The following SPAG16 variants were observed in gnomAD, a reference collection of about 807,000 sequenced individuals.
The protein encoded by SPAG16 is sperm-associated antigen 16 protein.
Under a neutral mutation model 80.4 loss-of-function variants are expected in SPAG16, and 86 were observed. The ratio of observed to expected loss-of-function variants is 1.07; its 90% CI spans 0.90 to 1.28. The LOEUF is 1.28. Ranked by LOEUF, SPAG16 falls within the 50% of genes most tolerant of loss-of-function variation. The pLI, the probability that SPAG16 is intolerant of heterozygous loss-of-function variation, is 0.00. For missense variants in SPAG16, 870 were observed against 765.3 expected, an observed-to-expected ratio of 1.14 and a Z score of -1.61; for synonymous variants, 294 against 265.9, an observed-to-expected ratio of 1.11 and a Z score of -1.03.
chr2:213,492,505 G>A (rs948550373), intron 10 of SPAG16, among the ~76,000 whole-genome samples: 5 of 151,850 alleles, frequency 3.3e-5, no homozygotes, highest in South Asian at 2.1e-4. Flanking sequence ...AGCCAAGATC[G>A]TGCCACTGCC....
intron 8 of SPAG16, among the ~76,000 whole-genome samples, chr2:213,366,255 TA>T: frequency 6.6e-6 from 1 of 151,906 alleles, no homozygotes; most frequent in South Asian, 2.1e-4. Flanking sequence ...TAAAAATACT[TA>T]AACAAATGAT....
Position 213,421,813 on chromosome 2 carries a change from C to A in SPAG16, c.942+46694C>A, listed in dbSNP as rs536240444. ...CAGATAGGAGCTACCCACTCCAGAT[C>A]TCTGCTGAGAGCTGGACACTCATCA... On this transcript the variant is annotated intron_variant, in intron 9 of 15. Coordinates refer to ENST00000331683, the MANE Select transcript of SPAG16 (RefSeq NM_024532.5). Among the ~76,000 whole-genome samples, 5 of 152,284 alleles carry A rather than the reference C, an allele frequency of 3.3e-5. No individual in the cohort carries two copies. In the East Asian group the frequency reaches 9.7e-4, roughly 29 times the overall value.
At chr2:213,562,944 A>T (rs1428198803) in intron 10 of SPAG16, among the ~76,000 whole-genome samples, 5 of 152,198 alleles carry the variant, frequency 3.3e-5, no homozygotes, top group Admixed American at 2.0e-4. Context: ...CTCTGCCCTC[A>T]TCTAAACACC....
chr2:213,508,294 T>C (rs112654606), intron 10 of SPAG16, among the ~76,000 whole-genome samples: 13,278 of 152,168 alleles, frequency 0.087, 1,448 homozygotes, highest in African/African-American at 0.26. Context: ...TGAGTTCGGC[T>C]GGGCGCGGTG....
At chr2:213,621,068 G>A (rs1022948278) in intron 10 of SPAG16, among the ~76,000 whole-genome samples, 1 of 151,990 alleles carries the variant, frequency 6.6e-6, no homozygotes, top group African/African-American at 2.4e-5. Flanking sequence ...ACTAGTTTTA[G>A]TACTTACCTT....
intron 10 of SPAG16, among the ~76,000 whole-genome samples, chr2:213,795,092 C>A (rs2070941343): frequency 6.6e-6 from 1 of 152,054 alleles, no homozygotes; most frequent in Non-Finnish European, 1.5e-5. Flanking sequence ...TATTGATAAG[C>A]CCCATTTCAG....
At chr2:213,814,137 G>T (rs979438133) in intron 10 of SPAG16, among the ~76,000 whole-genome samples, 3 of 152,086 alleles carry the variant, frequency 2.0e-5, no homozygotes, top group African/African-American at 7.2e-5. Context: ...TCAGGCTGAC[G>T]GGGTAGAAAT....
intron 15 of SPAG16, among the ~76,000 whole-genome samples, chr2:214,254,300 T>A (rs1690519841): frequency 1.3e-5 from 2 of 152,140 alleles, no homozygotes; most frequent in African/African-American, 2.4e-5. Flanking sequence ...CTGATTGCCC[T>A]GGCCAGAACT....
At chr2:213,994,346 A>G (rs1346870928) in intron 12 of SPAG16, among the ~76,000 whole-genome samples, 1 of 152,162 alleles carries the variant, frequency 6.6e-6, no homozygotes, top group Non-Finnish European at 1.5e-5. Context: ...AAGGGAACTT[A>G]ATTTTCAATA....
At chr2:214,167,190 G>A (rs991476819) in intron 15 of SPAG16, among the ~76,000 whole-genome samples, 4 of 152,106 alleles carry the variant, frequency 2.6e-5, no homozygotes, top group Admixed American at 1.3e-4. Flanking sequence ...CTCCGGCTCT[G>A]TCCCTCCTTC....
chr2:213,647,889 A>T (rs907768014), intron 10 of SPAG16, among the ~76,000 whole-genome samples: 2 of 152,122 alleles, frequency 1.3e-5, no homozygotes, highest in African/African-American at 4.8e-5. Context: ...CCTTCAATTC[A>T]TTGGCTCCCT....
intron 9 of SPAG16, among the ~76,000 whole-genome samples, chr2:213,393,561 T>A (rs1231849655): frequency 6.6e-6 from 1 of 152,108 alleles, no homozygotes; most frequent in Non-Finnish European, 1.5e-5. Context: ...TGGTTTCCAA[T>A]GTCTTGGAAA....
chr2:213,536,452 AAAAGTGTT>A (rs1559231384), intron 10 of SPAG16, among the ~76,000 whole-genome samples: 7 of 152,172 alleles, frequency 4.6e-5, no homozygotes, highest in Non-Finnish European at 1.0e-4. Context: ...CCAACAGTGT[AAAAGTGTT>A]CCTATTTCTC....
intron 12 of SPAG16, among the ~76,000 whole-genome samples, chr2:213,952,550 G>A (rs1312173226): frequency 6.6e-6 from 1 of 152,008 alleles, no homozygotes; most frequent in Admixed American, 6.5e-5. Context: ...TGTCTGAAGA[G>A]AACATAGAAA....
chr2:214,074,371 A>G (rs551443535), intron 13 of SPAG16, among the ~76,000 whole-genome samples: 1 of 152,224 alleles, frequency 6.6e-6, no homozygotes, highest in Non-Finnish European at 1.5e-5. Context: ...GTAATAAACT[A>G]TTGCTCCAAA....
chr2:213,519,524 G>T (rs912425365), intron 10 of SPAG16, among the ~76,000 whole-genome samples: 1 of 152,152 alleles, frequency 6.6e-6, no homozygotes, highest in Non-Finnish European at 1.5e-5. Context: ...GATGTGACTT[G>T]CTTCTTCTTG....
At chr2:213,551,185 C>G (rs2076768715) in intron 10 of SPAG16, among the ~76,000 whole-genome samples, 1 of 152,190 alleles carries the variant, frequency 6.6e-6, no homozygotes, top group African/African-American at 2.4e-5. Context: ...TTGAGAGACT[C>G]CTCTGAAGCT....
intron 11 of SPAG16, among the ~76,000 whole-genome samples, chr2:213,865,381 A>G (rs1251151225): frequency 6.6e-6 from 1 of 151,958 alleles, no homozygotes; most frequent in African/African-American, 2.4e-5. Flanking sequence ...TACTGAGTCA[A>G]AGAGGAACTA....
At chr2:214,033,455 G>T (rs776173850) in intron 13 of SPAG16, among the ~76,000 whole-genome samples, 2 of 152,164 alleles carry the variant, frequency 1.3e-5, no homozygotes, top group African/African-American at 2.4e-5. Context: ...GAGACTGAGA[G>T]GGGGCTGGAA....
Sources: allele counts gnomAD v4.1 joint callset (sites outside exome capture counted in the v4.1 genomes callset), GRCh38; gene constraint gnomAD v4.1.1; transcripts MANE v1.5; gene names NCBI Gene and HGNC (gene_info 2026-07-23, HGNC 2026-07-21).